L3MBTL3: variants seen among roughly 807,000 people sequenced by gnomAD.
L3MBTL3 encodes the protein lethal(3)malignant brain tumor-like protein 3.
In L3MBTL3, 27 loss-of-function variants were observed where a neutral mutation model predicts 102.3. That is an observed-to-expected ratio of 0.26 (90% confidence interval 0.19 to 0.36). L3MBTL3 has a LOEUF of 0.36. Among genes scored for constraint, L3MBTL3 ranks in the 10% least tolerant of loss-of-function variants. L3MBTL3 has a pLI of 1.00. For missense variants in L3MBTL3, 798 were observed against 955.3 expected (o/e 0.84, Z 2.17); for synonymous variants, 340 against 320.9 (o/e 1.06, Z -0.64).
chr6:130,108,244 T>G (rs1033467760), intron 19 of L3MBTL3, among the ~76,000 whole-genome samples: 9 of 143,040 alleles, frequency 6.3e-5, no homozygotes, highest in African/African-American at 2.0e-4. Context: ...TTTTTTTTTT[T>G]TTTTTTTTTA....
chr6:130,059,012 A>G (rs1781713733), intron 9 of L3MBTL3, among the ~76,000 whole-genome samples: 1 of 152,178 alleles, frequency 6.6e-6, no homozygotes. Context: ...GTAATTACAT[A>G]TAAACTTGTT....
chr6:130,101,485 T>C (rs995093737), intron 18 of L3MBTL3, among the ~76,000 whole-genome samples: 5 of 152,170 alleles, frequency 3.3e-5, no homozygotes, highest in Admixed American at 1.3e-4. Flanking sequence ...GGCAGTTTCA[T>C]TGTGGGCAGG....
chr6:130,086,304 A>G (rs1171697120), intron 16 of L3MBTL3, 54 bp downstream of exon 16: 2 of 1,240,674 alleles, frequency 1.6e-6, no homozygotes, highest in Non-Finnish European at 2.3e-6. Context: ...GATGTTTTAG[A>G]TAAAAACTTT....
Position 130,098,394 on chromosome 6 carries a change from A to C in L3MBTL3, c.1736+4027A>C, listed in dbSNP as rs576576704. Among the ~76,000 whole-genome samples, 36 of 152,254 alleles carry C rather than the reference A, an allele frequency of 2.4e-4. No individual in the cohort carries two copies. The South Asian group carries it at 7.5e-3, about 32-fold the overall frequency. On this transcript the variant is annotated intron_variant, in intron 18 of 22. Transcript: ENST00000361794. ...CTTCTAAAGAGGCCAGTCTGGTGTAAACAGATTCTCATAGAGGCAGGAGTG... is the reference window on the plus strand; with the variant it reads ...CTTCTAAAGAGGCCAGTCTGGTGTACACAGATTCTCATAGAGGCAGGAGTG...
chr6:130,031,063 C>T lies in L3MBTL3; in HGVS notation c.-16+8758C>T, dbSNP rs371832587. Among the ~76,000 whole-genome samples, 60 of 152,170 alleles carry T rather than the reference C, an allele frequency of 3.9e-4. 1 individual carries two copies. The highest frequency in any genetic ancestry group is 1.3e-3 in the African/African-American group (56 of 41,496). On this transcript the variant is annotated intron_variant, in intron 2 of 22. Coordinates refer to ENST00000361794, the MANE Select transcript of L3MBTL3 (RefSeq NM_032438.4). ...TCCTTCCATTAGTGGCTGCGTATTTCTCTGGTACCATGGAGGTAAAAGAAG... is the reference window on the plus strand; with the variant it reads ...TCCTTCCATTAGTGGCTGCGTATTTTTCTGGTACCATGGAGGTAAAAGAAG...
chr6:130,052,968 G>A lies in L3MBTL3; in HGVS notation c.559G>A (p.Gly187Arg), dbSNP rs2114799327. ...TCTGAAAGCTGACACCAAGGAGGAT[G>A]GAGAAGAGAGAGATGATGAAATGGT... is the stretch of plus-strand genomic sequence containing the variant. ...LSLKADTKEDGEERDDEMENK... is the reference protein window; with the variant it reads ...LSLKADTKEDREERDDEMENK... Residue 187 changes from glycine (G) to arginine (R), a missense_variant, in exon 7 of 23, where the codon GGA (glycine) becomes AGA (arginine). Coordinates refer to ENST00000361794, the MANE Select transcript of L3MBTL3 (RefSeq NM_032438.4). 1 of 1,613,510 alleles carries A rather than the reference G, an allele frequency of 6.2e-7. No individual in the cohort carries two copies. The highest frequency in any genetic ancestry group is 1.7e-5 in the Admixed American group (1 of 60,020).
At chr6:130,063,305 G>A (rs1782032698) in intron 10 of L3MBTL3, among the ~76,000 whole-genome samples, 2 of 152,120 alleles carry the variant, frequency 1.3e-5, no homozygotes. Flanking sequence ...GAGTGAGGAT[G>A]GAGAAAGTGG....
chr6:130,132,311 G>A (rs1562342335), intron 20 of L3MBTL3, among the ~76,000 whole-genome samples: 3 of 152,202 alleles, frequency 2.0e-5, no homozygotes, highest in Admixed American at 6.5e-5. Flanking sequence ...AATCTATGGT[G>A]TTAGTAGTCA....
chr6:130,035,317 G>A (rs939252099), intron 2 of L3MBTL3, among the ~76,000 whole-genome samples: 1 of 152,174 alleles, frequency 6.6e-6, no homozygotes, highest in African/African-American at 2.4e-5. Context: ...GTAGACTGGG[G>A]CTGCCAGGGA....
intron 19 of L3MBTL3, among the ~76,000 whole-genome samples, chr6:130,120,251 C>T (rs979292350): frequency 3.3e-5 from 5 of 152,090 alleles, no homozygotes; most frequent in Non-Finnish European, 7.4e-5. Flanking sequence ...CAAACAAACC[C>T]GTTTTTGCCC....
At chr6:130,040,359 C>T (rs1780343983) in intron 2 of L3MBTL3, among the ~76,000 whole-genome samples, 1 of 151,842 alleles carries the variant, frequency 6.6e-6, no homozygotes, top group South Asian at 2.1e-4. Flanking sequence ...ATCTGTTGGT[C>T]CATCTTGCAC....
In L3MBTL3 at chr6:130,094,313, C is replaced by T. The variant is rs141824361; in HGVS notation, c.1682C>T (p.Pro561Leu). 5.5e-4 allele frequency: 889 copies of T among 1,613,804 alleles called. 1 individual carries two copies. Among genetic ancestry groups the T allele is most frequent in the African/African-American group, 3.0e-3 (222 of 74,986 alleles). The change falls in exon 18 of 23, where the codon CCG (proline) becomes CTG (leucine). Residue 561 changes from proline to leucine, a missense_variant. Pro to Leu is a moderately conservative substitution (Grantham distance 98, BLOSUM62 -3). Transcript: ENST00000361794. ...TCAGAACATGGTGGATGCTCAACCCCGGGATGTAAAGGGATTGGCCATTTC... is the reference window on the plus strand; with the variant it reads ...TCAGAACATGGTGGATGCTCAACCCTGGGATGTAAAGGGATTGGCCATTTC... ...EASEHGGCSTPGCKGIGHFKR... is the reference protein window; with the variant it reads ...EASEHGGCSTLGCKGIGHFKR...
At chr6:130,104,699 T>C in intron 19 of L3MBTL3, 124 bp downstream of exon 19, 1 of 632,290 alleles carries the variant, frequency 1.6e-6, no homozygotes, top group South Asian at 4.9e-5. Context: ...TACACCTGAC[T>C]TAATGTGAAA....
Position 130,030,384 on chromosome 6 carries a change from C to T in L3MBTL3, c.-16+8079C>T, listed in dbSNP as rs538019783. ...TGTGAAGCTAAGATTTAAACCCGGC[C>T]GGGTGCGGTGGCTCACGCCTGTAAT... On this transcript the variant is annotated intron_variant, in intron 2 of 22. Transcript: ENST00000361794. Among the ~76,000 whole-genome samples, 324 of 151,380 alleles carry T rather than the reference C, an allele frequency of 2.1e-3. 2 individuals are homozygous for T. Among genetic ancestry groups the T allele is most frequent in the Non-Finnish European group, 2.7e-3 (181 of 67,788 alleles).
intron 8 of L3MBTL3, 33 bp downstream of exon 8, chr6:130,055,288 CTT>C (rs1562270467): frequency 6.5e-7 from 1 of 1,536,428 alleles, no homozygotes; most frequent in South Asian, 1.2e-5. Flanking sequence ...TTACTTGTAA[CTT>C]TATGAAATTG....
chr6:130,070,710 A>G (rs1782571585), intron 12 of L3MBTL3: 1 of 272,206 alleles, frequency 3.7e-6, no homozygotes, highest in Admixed American at 5.6e-5. Flanking sequence ...AAAATTAATT[A>G]TTTTAAATTC....
At chr6:130,068,074 G>A (rs1215772514) in intron 11 of L3MBTL3, among the ~76,000 whole-genome samples, 1 of 151,842 alleles carries the variant, frequency 6.6e-6, no homozygotes, top group Non-Finnish European at 1.5e-5. Context: ...AAGTGTCCTG[G>A]GTATAATACA....
At chr6:130,069,241 T>C (rs1032784923) in intron 12 of L3MBTL3, among the ~76,000 whole-genome samples, 34 of 152,066 alleles carry the variant, frequency 2.2e-4, no homozygotes, top group African/African-American at 7.5e-4. Context: ...CTTTCCAGAG[T>C]CACCAGGCTG....
chr6:130,111,768 G>A (rs1329545542), intron 19 of L3MBTL3, among the ~76,000 whole-genome samples: 1 of 152,080 alleles, frequency 6.6e-6, no homozygotes, highest in Non-Finnish European at 1.5e-5. Flanking sequence ...CAGATTTGAG[G>A]TCCTATCTTA....
Sources: allele counts gnomAD v4.1 joint callset (sites outside exome capture counted in the v4.1 genomes callset), GRCh38; gene constraint gnomAD v4.1.1; transcripts MANE v1.5; gene names NCBI Gene and HGNC (gene_info 2026-07-23, HGNC 2026-07-21).